Variants in ERICH1 observed in about 807,000 individuals in gnomAD.
ERICH1 encodes the protein glutamate-rich protein 1.
A neutral mutation model predicts 39.6 loss-of-function variants in ERICH1; 56 were observed. The ratio of observed to expected loss-of-function variants is 1.41; its 90% CI spans 1.14 to 1.77. ERICH1 has a LOEUF of 1.77. ERICH1 is among the 40% of genes most tolerant of loss of function. ERICH1 has a pLI of 0.00. For synonymous variants in ERICH1, 313 were observed against 223.6 expected, an observed-to-expected ratio of 1.40 and a Z score of -3.57; for missense variants, 826 against 575.4, an observed-to-expected ratio of 1.44 and a Z score of -4.45.
At chr8:618,177 A>G (rs1448001593) in intron 3 of ERICH1, among the ~76,000 whole-genome samples, 30 of 142,912 alleles carry the variant, frequency 2.1e-4, no homozygotes, top group African/African-American at 7.2e-4. Flanking sequence ...TGAGTACTCC[A>G]TCTGTTCTCA....
rs182985835 is a variant in ERICH1, at chr8:627,786, C to T, written c.977-12502G>A. ...GGTCTCTGCCTTTTCCTTGGAGAAG[C>T]CTCCATCCAACTGTGTGGTCATAGC... On this transcript the variant is annotated intron_variant, in intron 3 of 3. Transcript: ENST00000522706. Among the ~76,000 whole-genome samples, 19 of 152,320 alleles carry T rather than the reference C, an allele frequency of 1.2e-4. No individual in the cohort carries two copies. In the East Asian group the frequency reaches 3.7e-3, roughly 29 times the overall value.
chr8:661,922 C>G (rs536448182), downstream of ERICH1, among the ~76,000 whole-genome samples: 28 of 152,240 alleles, frequency 1.8e-4, no homozygotes, highest in Non-Finnish European at 1.2e-4. Context: ...ACGTGACCCA[C>G]CACCCCCCGC....
At chr8:618,279 G>A (rs905153317) in intron 3 of ERICH1, among the ~76,000 whole-genome samples, 3 of 151,734 alleles carry the variant, frequency 2.0e-5, no homozygotes, top group Non-Finnish European at 2.9e-5. Context: ...AGTGCTTGGT[G>A]TTTGGTCCAT....
intron 3 of ERICH1, among the ~76,000 whole-genome samples, chr8:621,744 T>C (rs1346575305): frequency 6.6e-6 from 1 of 152,012 alleles, no homozygotes; most frequent in Non-Finnish European, 1.5e-5. Flanking sequence ...AAGTTAGAAA[T>C]GGAAGGGAGG....
At chr8:691,118 G>A (rs1808798855) in intron 3 of ERICH1, 1 of 152,084 alleles carries the variant, frequency 6.6e-6, no homozygotes, top group Middle Eastern at 3.2e-3. Flanking sequence ...AAGAACAAAG[G>A]TAGGAAACAC....
At chr8:629,618 T>C (rs77372053) in intron 3 of ERICH1, among the ~76,000 whole-genome samples, 293 of 84,212 alleles carry the variant, frequency 3.5e-3, no homozygotes, top group African/African-American at 0.015. Flanking sequence ...CACACCCGCC[T>C]GTGACCACCC....
intron 2 of ERICH1, among the ~76,000 whole-genome samples, chr8:697,500 T>A (rs1369891419): frequency 1.3e-5 from 2 of 152,138 alleles, no homozygotes; most frequent in Non-Finnish European, 2.9e-5. Context: ...AGACTCCCAG[T>A]GACAGGCCTG....
At chr8:633,009 G>A (rs763745117) in intron 3 of ERICH1, among the ~76,000 whole-genome samples, 47 of 152,344 alleles carry the variant, frequency 3.1e-4, no homozygotes, top group Non-Finnish European at 5.4e-4. Context: ...GAGGCAGATC[G>A]GCCAGAGCTC....
intron 2 of ERICH1, among the ~76,000 whole-genome samples, chr8:707,293 T>A (rs145677865): frequency 1.3e-5 from 2 of 150,526 alleles, no homozygotes; most frequent in African/African-American, 4.9e-5. Flanking sequence ...CTGCAACCTC[T>A]GCCTCCCGGG....
intron 3 of ERICH1, among the ~76,000 whole-genome samples, chr8:652,399 G>A (rs1248416503): frequency 6.6e-6 from 1 of 152,226 alleles, no homozygotes; most frequent in Non-Finnish European, 1.5e-5. Flanking sequence ...GACCGTTGTT[G>A]GCTGCTGGTT....
chr8:620,041 T>C (rs1010601363), intron 3 of ERICH1, among the ~76,000 whole-genome samples: 16 of 152,116 alleles, frequency 1.1e-4, no homozygotes, highest in Admixed American at 3.3e-4. Flanking sequence ...GGGCCAGGCG[T>C]GGTGGCTCAC....
Position 731,217 on chromosome 8 carries a change from T to A in ERICH1, c.-56A>T. The A allele has an allele frequency of 1.4e-6, 2 of 1,416,404 alleles. No individual in the cohort carries two copies. The highest frequency in any genetic ancestry group is 3.0e-5 in the South Asian group (2 of 67,758). The allele number at this position is 1,416,404 out of a possible 1,614,324, so 87.7% of individuals were successfully genotyped here. On this transcript the variant is annotated 5_prime_UTR_variant, in exon 1 of 6. Transcript: ENST00000262109. ...GCGCGCGGTCCTGAGCTGAGCGCCG[T>A]GCCTTCCGGGTTCCGCCCTCCTGGG...
intron 3 of ERICH1, among the ~76,000 whole-genome samples, chr8:649,804 G>C (rs1044977668): frequency 6.6e-6 from 1 of 152,196 alleles, no homozygotes; most frequent in African/African-American, 2.4e-5. Context: ...CAGGGCGGAC[G>C]GCGTATCAGA....
chr8:688,282 C>CCCCGT (rs1808020725), intron 3 of ERICH1, among the ~76,000 whole-genome samples: 1 of 147,388 alleles, frequency 6.8e-6, no homozygotes, highest in Non-Finnish European at 1.5e-5. Context: ...CCCGTCCCCG[C>CCCCGT]CCCGCCCCGG....
chr8:724,503 G>A (rs1185629674), intron 1 of ERICH1, among the ~76,000 whole-genome samples: 1 of 152,050 alleles, frequency 6.6e-6, no homozygotes, highest in Non-Finnish European at 1.5e-5. Context: ...AGGGGCTTCC[G>A]GAGAGGCCGG....
chr8:636,397 T>C (rs1277096742), intron 3 of ERICH1, among the ~76,000 whole-genome samples: 1 of 152,216 alleles, frequency 6.6e-6, no homozygotes, highest in Non-Finnish European at 1.5e-5. Context: ...ACGGGATGCC[T>C]TTTCATCGTT....
intron 4 of ERICH1, among the ~76,000 whole-genome samples, chr8:671,264 C>G (rs1239922597): frequency 2.1e-5 from 3 of 144,680 alleles, no homozygotes; most frequent in East Asian, 2.1e-4. Flanking sequence ...GGCCCCTGCT[C>G]CGACCACTGA....
intron 3 of ERICH1, among the ~76,000 whole-genome samples, chr8:617,174 G>A (rs532457624): frequency 7.2e-5 from 11 of 152,088 alleles, no homozygotes; most frequent in Non-Finnish European, 1.0e-4. Flanking sequence ...GGGCACAGGC[G>A]GTGGGGACCA....
rs758559622 is a variant in ERICH1 at position 692,545 on chromosome 8, G to T, written c.237C>A (p.Val79=). The change falls in exon 3 of 6, where the codon GTC becomes GTA. Residue 79 remains valine, a synonymous_variant. Coordinates refer to ENST00000262109, the MANE Select transcript of ERICH1 (RefSeq NM_207332.3). ...AGCTGCTGGGCTCCGGCCAACAGGG[G>T]ACGTAGCCCTCAGGAGGCCCGCTGG... ...YTASGPPEGY[V]PCWPEPSSCG... The T allele has an allele frequency of 3.1e-6, 5 of 1,613,624 alleles. No homozygotes were observed. In the East Asian group the frequency reaches 1.1e-4, roughly 36 times the overall value.
Sources: allele counts gnomAD v4.1 joint callset (sites outside exome capture counted in the v4.1 genomes callset), GRCh38; gene constraint gnomAD v4.1.1; transcripts MANE v1.5; gene names NCBI Gene and HGNC (gene_info 2026-07-23, HGNC 2026-07-21).